MRPL38: variants seen among roughly 807,000 people sequenced by gnomAD.
MRPL38 encodes large ribosomal subunit protein mL38.
In MRPL38, 51 loss-of-function variants were observed where a neutral mutation model predicts 52.1. The observed-to-expected ratio is 0.98, with a 90% CI of 0.78 to 1.24. The LOEUF (loss-of-function observed/expected upper bound fraction) is 1.24. Ranked by LOEUF, MRPL38 falls within the 50% of genes most tolerant of loss-of-function variation. The pLI, the probability that MRPL38 is intolerant of heterozygous loss-of-function variation, is 0.00. For missense variants in MRPL38, 527 were observed against 518.6 expected, an observed-to-expected ratio of 1.02 and a Z score of -0.16; for synonymous variants, 245 against 212.7, an observed-to-expected ratio of 1.15 and a Z score of -1.32.
rs767842733 is a variant in MRPL38, at chr17:75,899,186, G to A, written c.978C>T (p.Ser326=). The stretch of plus-strand genomic sequence containing the variant: ...GAAGCTGGTGGAAGATGTAGGTGAC[G>A]GAGTCATCCCAGCGGCACTGGAAGA... The part of the protein sequence containing the change: ...LSFFQCRWDD[S]VTYIFHQLLD... Residue 326 remains serine (S), a synonymous_variant, in exon 8 of 9, where the codon TCC becomes TCT. Transcript: ENST00000309352. The A allele has an allele frequency of 4.0e-5, 64 of 1,605,242 alleles. No individual in the cohort carries two copies. The highest frequency in any genetic ancestry group is 1.7e-4 in the Middle Eastern group (1 of 6,056).
At chr17:75,902,589 C>G (rs1243741252) in intron 2 of MRPL38, among the ~76,000 whole-genome samples, 1 of 152,212 alleles carries the variant, frequency 6.6e-6, no homozygotes, top group African/African-American at 2.4e-5. Flanking sequence ...CTGTCCCTAC[C>G]TAGTCCTCTC....
intron 6 of MRPL38, chr17:75,900,722 A>G: frequency 4.7e-6 from 1 of 213,340 alleles, no homozygotes; most frequent in Non-Finnish European, 5.8e-6. Context: ...CCCTGTCTCA[A>G]AAAAAAAAAA....
Position 75,899,684 on chromosome 17 carries a change from G to A in MRPL38, c.711-10C>T, listed in dbSNP as rs1373978404. On this transcript the variant is annotated splice_polypyrimidine_tract_variant and intron_variant, in intron 6 of 8. Coordinates refer to ENST00000309352, the MANE Select transcript of MRPL38 (RefSeq NM_032478.4). ...ACCCGGGATGTTGGTTCTGGGAGGA[G>A]GAAAGTCCCGGTTAATTACCACTCC... 6.5e-7 allele frequency: 1 copy of A among 1,549,412 alleles called. No homozygotes were observed. Among genetic ancestry groups the A allele is most frequent in the Non-Finnish European group, 8.7e-7 (1 of 1,144,282 alleles).
chr17:75,904,577 C>T lies in MRPL38; in HGVS notation c.210G>A (p.Trp70Ter). ...CGAAATACTCTCGGTAGGTCCGCCA[C>T]CAGTGCGGGGCCTGCGCCTCCTGCT... ...RAEQEAQAPH[W>*]WRTYREYFGE... Residue 70 changes from tryptophan to a stop codon, truncating the protein, a stop_gained, in exon 2 of 9, where the codon TGG (tryptophan) becomes TGA (stop). Coordinates refer to ENST00000309352, the MANE Select transcript of MRPL38 (RefSeq NM_032478.4). LOFTEE classifies it high-confidence loss of function. 6.3e-7 allele frequency: 1 copy of T among 1,580,252 alleles called. No individual in the cohort carries two copies.
Position 75,902,234 on chromosome 17 carries a change from G to A in MRPL38, c.248-80C>T, listed in dbSNP as rs1567853383. On this transcript the variant is annotated intron_variant, in intron 2 of 8. Coordinates refer to ENST00000309352, the MANE Select transcript of MRPL38 (RefSeq NM_032478.4). Reference sequence around the variant, plus strand: ...CCTCCCCAACTCAGTCTCCTGAGTAGCTGGGGCTACAAGTGTACACCATCT... The same window carrying A: ...CCTCCCCAACTCAGTCTCCTGAGTAACTGGGGCTACAAGTGTACACCATCT... 8 of 1,461,954 alleles carry A rather than the reference G, an allele frequency of 5.5e-6. No homozygotes were observed. The South Asian group carries it at 9.1e-5, about 17-fold the overall frequency. The allele number at this position is 1,461,954 out of a possible 1,614,324, so 90.6% of individuals were successfully genotyped here.
At chr17:75,900,836 C>G in intron 6 of MRPL38, 146 bp downstream of exon 6, 3 of 1,441,994 alleles carry the variant, frequency 2.1e-6, no homozygotes, top group Non-Finnish European at 1.8e-6. Context: ...GATCCCAGGG[C>G]CCCTAACACC....
At chr17:75,899,735 A>G in intron 6 of MRPL38, 61 bp from the exon 7 acceptor site, 1 of 1,399,762 alleles carries the variant, frequency 7.1e-7, no homozygotes, top group South Asian at 1.5e-5. Context: ...GTGTCCCCTC[A>G]GCTCCATGCA....
intron 2 of MRPL38, 98 bp from the exon 3 acceptor site, chr17:75,902,252 C>A: frequency 7.5e-7 from 1 of 1,331,146 alleles, no homozygotes; most frequent in Non-Finnish European, 1.0e-6. Flanking sequence ...TACAAGTGTA[C>A]ACCATCTCAT....
Position 75,898,739 on chromosome 17 carries a change from G to C in MRPL38, c.*111C>G, listed in dbSNP as rs940953658. 4.4e-6 allele frequency: 6 copies of C among 1,376,124 alleles called. No individual in the cohort carries two copies. Among genetic ancestry groups the C allele is most frequent in the Non-Finnish European group, 6.0e-6 (6 of 1,002,988 alleles). 85.2% of individuals were successfully genotyped at this position (1,376,124 alleles called of 1,614,324 possible). ...GGGCCTGACGGGAGGGGGCCAAAGAGGGGGGCTGCCTAAGGCAGGGCCCAG... is the reference window on the plus strand; with the variant it reads ...GGGCCTGACGGGAGGGGGCCAAAGACGGGGGCTGCCTAAGGCAGGGCCCAG... On this transcript the variant is annotated 3_prime_UTR_variant, in exon 9 of 9. Transcript: ENST00000309352.
Position 75,901,547 on chromosome 17 carries a change from C to T in MRPL38, c.591+165G>A, listed in dbSNP as rs2065404473. ...TGTGCTAAGACAGAGCCTCTTTTTC[C>T]TTCATTTTGTTCTATTTTCTTTGAA... is the stretch of plus-strand genomic sequence containing the variant. On this transcript the variant is annotated intron_variant, in intron 4 of 8. Coordinates refer to ENST00000309352, the MANE Select transcript of MRPL38 (RefSeq NM_032478.4). The surrounding 1 kb of genome is among the most constrained non-coding windows in gnomAD (Gnocchi z 5.7). The T allele has an allele frequency of 1.4e-5, 10 of 694,506 alleles. No homozygotes were observed. Among genetic ancestry groups the T allele is most frequent in the South Asian group, 7.2e-5 (4 of 55,614 alleles). The allele number at this position is 694,506 out of a possible 1,614,324, so 43.0% of individuals were successfully genotyped here. A position where few individuals can be genotyped will look rare whatever the true frequency, so the allele number is the denominator to read the frequency against.
chr17:75,899,276 C>T lies in MRPL38; in HGVS notation c.888G>A (p.Arg296=), dbSNP rs1358367388. ...RPSPCYQLAQ[R]TFRTFDFYKK... Reference sequence around the variant, plus strand: ...TGTAGAAATCAAAAGTGCGGAAGGTCCGCTGGGCCAGCTGATAGCTATGAG... The same window carrying T: ...TGTAGAAATCAAAAGTGCGGAAGGTTCGCTGGGCCAGCTGATAGCTATGAG... The change falls in exon 8 of 9, where the codon CGG becomes CGA. Residue 296 remains arginine (R), a synonymous_variant. Transcript: ENST00000309352. The T allele has an allele frequency of 6.2e-7, 1 of 1,612,654 alleles. No homozygotes were observed. Among genetic ancestry groups the T allele is most frequent in the East Asian group, 2.2e-5 (1 of 44,842 alleles).
At position 75,904,060 on chromosome 17, in the gene MRPL38, G is replaced by A. The variant is rs547002972; in HGVS notation, c.247+480C>T. Among the ~76,000 whole-genome samples, 8 of 152,294 alleles carry A rather than the reference G, an allele frequency of 5.3e-5. No individual in the cohort carries two copies. In the East Asian group the frequency reaches 1.5e-3, roughly 29 times the overall value. On this transcript the variant is annotated intron_variant, in intron 2 of 8. Transcript: ENST00000309352. ...GTTCTTTTTTGAGTCACCCTGCCCA[G>A]GCCTTTAATTTCATTCAGCAAAGTA...
In MRPL38 at chr17:75,904,856, C is replaced by A; in HGVS notation, c.20G>T (p.Arg7Leu). Residue 7 changes from arginine to leucine, a missense_variant, in exon 1 of 9, where the codon CGA becomes CTA. Coordinates refer to ENST00000309352, the MANE Select transcript of MRPL38 (RefSeq NM_032478.4). MAAPWWRAALCECRRWR... is the reference protein window; with the variant it reads MAAPWWLAALCECRRWR... ...TCTCCGACACTCGCACAGCGCGGCT[C>A]GCCACCAGGGCGCCGCCATCTTCCC... is the stretch of plus-strand genomic sequence containing the variant. 1 of 1,524,804 alleles carries A rather than the reference C, an allele frequency of 6.6e-7. No homozygotes were observed. Among genetic ancestry groups the A allele is most frequent in the South Asian group, 1.2e-5 (1 of 82,716 alleles). 94.5% of individuals were successfully genotyped at this position (1,524,804 alleles called of 1,614,324 possible).
rs1567854007 is a variant in MRPL38, at chr17:75,904,650, T to G, written c.137A>C (p.Glu46Ala). Reference sequence around the variant, plus strand: ...GAAGCTCCGGTACTTCTCCAGCCGCTCCAGGTTGCTCAAGTCGATGTCACT... The same window carrying G: ...GAAGCTCCGGTACTTCTCCAGCCGCGCCAGGTTGCTCAAGTCGATGTCACT... Reference protein sequence around the residue: ...PNSDIDLSNLERLEKYRSFDR... With the variant: ...PNSDIDLSNLARLEKYRSFDR... The change falls in exon 2 of 9, where the codon GAG (glutamate) becomes GCG (alanine). Residue 46 changes from glutamate to alanine, a missense_variant. Glu to Ala is a moderately radical substitution (Grantham distance 107, BLOSUM62 -1). Transcript: ENST00000309352. The G allele has an allele frequency of 1.3e-6, 2 of 1,597,912 alleles. No individual in the cohort carries two copies. The highest frequency in any genetic ancestry group is 3.4e-5 in the Admixed American group (2 of 59,696).
At position 75,898,699 on chromosome 17, in the gene MRPL38, T is replaced by C. The variant is rs1468651112; in HGVS notation, c.*151A>G. 3.5e-6 allele frequency: 3 copies of C among 858,146 alleles called. No individual in the cohort carries two copies. The African/African-American group carries it at 5.1e-5, about 15-fold the overall frequency. 53.2% of individuals were successfully genotyped at this position (858,146 alleles called of 1,614,324 possible). A position where few individuals can be genotyped will look rare whatever the true frequency, so the allele number is the denominator to read the frequency against. ...CCCACCCCACCACCTGAGAGTCACT[T>C]TCACTCCAAGCCCTGGGCCTGACGG... On this transcript the variant is annotated 3_prime_UTR_variant, in exon 9 of 9. Transcript: ENST00000309352.
chr17:75,899,853 G>A (rs963750135), intron 6 of MRPL38, 179 bp from the exon 7 acceptor site: 24 of 446,708 alleles, frequency 5.4e-5, no homozygotes, highest in East Asian at 3.6e-4. Context: ...CTGCAAATAC[G>A]GGAAGCGGGC....
In MRPL38 at chr17:75,899,655, G is replaced by T. The variant is rs753952457; in HGVS notation, c.730C>A (p.Arg244=). The change falls in exon 7 of 9, where the codon CGG becomes AGG. Residue 244 remains arginine (R), a synonymous_variant. Coordinates refer to ENST00000309352, the MANE Select transcript of MRPL38 (RefSeq NM_032478.4). ...CACGTCACCTGTCCTTCAGCCACCC[G>T]GTTACCCGGGATGTTGGTTCTGGGA... The part of the protein sequence containing the change: ...HWLLTNIPGN[R]VAEGQVTCPY... 112 of 1,580,446 alleles carry T rather than the reference G, an allele frequency of 7.1e-5. 1 individual carries two copies. The highest frequency in any genetic ancestry group is 9.5e-6 in the Non-Finnish European group (11 of 1,161,568).
intron 6 of MRPL38, 91 bp from the exon 7 acceptor site, chr17:75,899,765 A>C: frequency 1.8e-6 from 2 of 1,134,816 alleles, no homozygotes; most frequent in Non-Finnish European, 2.4e-6. Flanking sequence ...GGCTGACATG[A>C]CTCCCTGGGA....
Position 75,901,252 on chromosome 17 carries a change from T to C in MRPL38, c.613A>G (p.Thr205Ala). Reference protein sequence around the residue: ...PTEAAQAPEVTYEAEEGSLWT... With the variant: ...PTEAAQAPEVAYEAEEGSLWT... ...AAGGAGCCCTCTTCTGCCTCATAGG[T>C]CACCTCTGGCGCTTGGGCAGCCTGG... Residue 205 changes from threonine to alanine, a missense_variant, in exon 5 of 9, where the codon ACC (threonine) becomes GCC (alanine). By Grantham distance (58) the Thr-to-Ala change is moderately conservative. Transcript: ENST00000309352. This position sits in a 1 kb window ranked among gnomAD's most constrained non-coding sequence, Gnocchi z 5.7. 2 of 1,613,386 alleles carry C rather than the reference T, an allele frequency of 1.2e-6. No homozygotes were observed. The highest frequency in any genetic ancestry group is 2.2e-5 in the East Asian group (1 of 44,862).
Sources: gnomAD v4.1 joint callset for allele counts (sites outside exome capture counted in the v4.1 genomes callset) on GRCh38, gnomAD v4.1.1 for gene constraint, Gnocchi (gnomAD v3.1) non-coding constraint, MANE v1.5 for transcripts, NCBI Gene and HGNC (gene_info 2026-07-23, HGNC 2026-07-21) for gene names.